VPS13D: variants seen among roughly 807,000 people sequenced by gnomAD.
VPS13D encodes intermembrane lipid transfer protein VPS13D.
VPS13D carries 187 observed loss-of-function variants against 461.9 expected under a neutral mutation model. The ratio of observed to expected loss-of-function variants is 0.40; its 90% confidence interval spans 0.36 to 0.46. The LOEUF is 0.46. Among genes scored for constraint, VPS13D ranks in the 20% least tolerant of loss-of-function variants. The probability of loss-of-function intolerance (pLI) is 0.60; values close to 1 mark genes in which losing one functional copy is unlikely to be tolerated. For missense variants in VPS13D, 4,711 were observed against 5,364.9 expected (o/e 0.88, Z 3.81); for synonymous variants, 1,951 against 1,986.3 (o/e 0.98, Z 0.47).
At chr1:12,374,270 A>G (rs1644167195) in intron 55 of VPS13D, among the ~76,000 whole-genome samples, 1 of 152,256 alleles carries the variant, frequency 6.6e-6, no homozygotes, top group Non-Finnish European at 1.5e-5. Flanking sequence ...AAAGAGTTAC[A>G]TTGACATTGA....
intron 31 of VPS13D, among the ~76,000 whole-genome samples, chr1:12,318,612 T>C (rs1478086299): frequency 1.3e-5 from 2 of 152,300 alleles, no homozygotes; most frequent in Middle Eastern, 3.4e-3. Flanking sequence ...GGTCTTTTTT[T>C]TTCCAGTGTA....
chr1:12,466,120 C>T (rs1645479770), intron 67 of VPS13D, among the ~76,000 whole-genome samples: 3 of 148,624 alleles, frequency 2.0e-5, no homozygotes, highest in South Asian at 2.1e-4. Flanking sequence ...GGCGACAGAG[C>T]GAGACTCCAT....
rs1208687316 is a variant in VPS13D, at chr1:12,487,932, G to T, written c.12663-9568G>T. The stretch of plus-strand genomic sequence containing the variant: ...AAAACTTCATTAATTTCAATTATGA[G>T]AATTTGATATCTGGTGTAATTCATT... On this transcript the variant is annotated intron_variant, in intron 67 of 69. Coordinates refer to ENST00000620676, the MANE Select transcript of VPS13D (RefSeq NM_015378.4). 2.0e-5 allele frequency among the ~76,000 whole-genome samples: 3 copies of T among 152,188 alleles called. No individual in the cohort carries two copies. In the East Asian group the frequency reaches 5.8e-4, roughly 29 times the overall value.
intron 66 of VPS13D, among the ~76,000 whole-genome samples, chr1:12,456,593 G>T (rs975774857): frequency 7.1e-6 from 1 of 141,512 alleles, no homozygotes; most frequent in South Asian, 2.2e-4. Flanking sequence ...AGCTGAGATC[G>T]TGCCACTGCA....
chr1:12,387,838 A>G (rs934019370), intron 60 of VPS13D, among the ~76,000 whole-genome samples: 4 of 152,260 alleles, frequency 2.6e-5, no homozygotes, highest in Non-Finnish European at 4.4e-5. Context: ...AAGACATGCT[A>G]TGTGCCAAGG....
intron 26 of VPS13D, among the ~76,000 whole-genome samples, chr1:12,305,762 A>G (rs1051776095): frequency 6.6e-6 from 1 of 152,192 alleles, no homozygotes; most frequent in Non-Finnish European, 1.5e-5. Flanking sequence ...GTGTCTTGTT[A>G]CATAGATCCG....
chr1:12,369,096 A>G (rs1450292678), intron 53 of VPS13D, among the ~76,000 whole-genome samples: 2 of 152,212 alleles, frequency 1.3e-5, no homozygotes, highest in Non-Finnish European at 2.9e-5. Flanking sequence ...TCTGTATTCA[A>G]AATATATCAT....
At chr1:12,327,921 C>A in intron 36 of VPS13D, 67 bp downstream of exon 36, 1 of 1,204,478 alleles carries the variant, frequency 8.3e-7, no homozygotes, top group Non-Finnish European at 1.1e-6. Context: ...TATTTGGGGC[C>A]TTTTTTTTTT....
At chr1:12,464,945 T>G (rs1570229658) in intron 67 of VPS13D, 1 of 152,228 alleles carries the variant, frequency 6.6e-6, no homozygotes, top group Non-Finnish European at 1.5e-5. Flanking sequence ...ATGGCACAGA[T>G]GCAGCCACAC....
At chr1:12,393,136 G>A (rs908004883) in intron 60 of VPS13D, among the ~76,000 whole-genome samples, 5 of 152,128 alleles carry the variant, frequency 3.3e-5, no homozygotes, top group South Asian at 2.1e-4. Flanking sequence ...AATTTTAGTC[G>A]GATTTATTTC....
At chr1:12,334,093 T>G (rs1330212164) in intron 38 of VPS13D, among the ~76,000 whole-genome samples, 1 of 152,192 alleles carries the variant, frequency 6.6e-6, no homozygotes, top group Non-Finnish European at 1.5e-5. Flanking sequence ...CTTCCTTTGG[T>G]GTGTATGTTG....
intron 57 of VPS13D, among the ~76,000 whole-genome samples, chr1:12,381,392 C>A (rs1038698204): frequency 1.3e-5 from 2 of 152,180 alleles, no homozygotes; most frequent in Non-Finnish European, 2.9e-5. Flanking sequence ...TCTTCTCTAG[C>A]CTTGTGTTTG....
chr1:12,268,523 A>G (rs1202166393), intron 15 of VPS13D, among the ~76,000 whole-genome samples, 183 bp from the exon 16 acceptor site: 5 of 152,146 alleles, frequency 3.3e-5, no homozygotes, highest in African/African-American at 1.2e-4. Flanking sequence ...AGTCTACACA[A>G]TTCCTGTGGA....
intron 65 of VPS13D, among the ~76,000 whole-genome samples, chr1:12,455,656 C>T (rs985217623): frequency 3.3e-5 from 5 of 151,978 alleles, no homozygotes; most frequent in Admixed American, 1.3e-4. Context: ...CAGTGGCTCA[C>T]GCCTGTAATC....
In VPS13D at chr1:12,495,034, C is replaced by T. The variant is rs1645937846; in HGVS notation, c.12663-2466C>T. Among the ~76,000 whole-genome samples, 1 of 152,234 alleles carries T rather than the reference C, an allele frequency of 6.6e-6. No homozygotes were observed. The highest frequency in any genetic ancestry group is 1.5e-5 in the Non-Finnish European group (1 of 68,040). Reference sequence around the variant, plus strand: ...GGAATGCAGTGAATGAAACAAATTCCCCCTCTCCTGGAGCTTCCAGTCCAC... The same window carrying T: ...GGAATGCAGTGAATGAAACAAATTCTCCCTCTCCTGGAGCTTCCAGTCCAC... On this transcript the variant is annotated intron_variant, in intron 67 of 69. Coordinates refer to ENST00000620676, the MANE Select transcript of VPS13D (RefSeq NM_015378.4). The surrounding 1 kb of genome is among the most constrained non-coding windows in gnomAD (Gnocchi z 4.0).
chr1:12,395,910 C>T (rs1644488601), intron 60 of VPS13D, among the ~76,000 whole-genome samples: 2 of 148,268 alleles, frequency 1.3e-5, no homozygotes, highest in South Asian at 4.3e-4. Flanking sequence ...AGAACTCCAT[C>T]CTTAATATTC....
intron 65 of VPS13D, 73 bp downstream of exon 65, chr1:12,416,900 A>G: frequency 6.9e-7 from 1 of 1,442,470 alleles, no homozygotes; most frequent in Non-Finnish European, 9.2e-7. Context: ...TTTCTTTTAT[A>G]GTTAATGGGC....
At chr1:12,398,354 CT>C (rs1354405542) in intron 60 of VPS13D, among the ~76,000 whole-genome samples, 7 of 150,842 alleles carry the variant, frequency 4.6e-5, no homozygotes, top group Non-Finnish European at 1.0e-4. Context: ...AGTAGTTTAA[CT>C]TTTTTTTCTT....
intron 10 of VPS13D, among the ~76,000 whole-genome samples, 169 bp downstream of exon 10, chr1:12,258,272 C>T (rs969766123): frequency 6.6e-6 from 1 of 152,164 alleles, no homozygotes; most frequent in Non-Finnish European, 1.5e-5. Context: ...CAGGAGCATC[C>T]TCCACCTTCT....
Sources: gnomAD v4.1 joint callset for allele counts (sites outside exome capture counted in the v4.1 genomes callset) on GRCh38, gnomAD v4.1.1 for gene constraint, Gnocchi (gnomAD v3.1) non-coding constraint, MANE v1.5 for transcripts, NCBI Gene and HGNC (gene_info 2026-07-23, HGNC 2026-07-21) for gene names.